Variants in ARHGAP26 observed in about 807,000 individuals in gnomAD.
ARHGAP26 encodes Rho GTPase activating protein 26, also known as rho GTPase-activating protein 26.
ARHGAP26 carries 38 observed loss-of-function variants against 104.8 expected under a neutral mutation model. That is an observed-to-expected ratio of 0.36 (90% CI 0.28 to 0.48). The LOEUF (loss-of-function observed/expected upper bound fraction) is 0.48, where lower values mean the gene tolerates loss of function less well. Ranked by LOEUF, ARHGAP26 falls within the 20% of genes least tolerant of loss-of-function variation. The probability of loss-of-function intolerance (pLI) is 0.99; values close to 1 mark genes in which losing one functional copy is unlikely to be tolerated. For missense variants in ARHGAP26, 704 were observed against 947.9 expected (o/e 0.74, Z 3.38); for synonymous variants, 341 against 340.0 (o/e 1.00, Z -0.03).
chr5:142,865,168 AGCTGGGGCTGG>A (rs1168084748), intron 1 of ARHGAP26, among the ~76,000 whole-genome samples: 2 of 152,162 alleles, frequency 1.3e-5, no homozygotes, highest in African/African-American at 4.8e-5. Flanking sequence ...GCCAGGGCTG[AGCTGGGGCTGG>A]GCTCTTTAGG....
At chr5:142,949,027 C>A (rs992797339) in intron 11 of ARHGAP26, among the ~76,000 whole-genome samples, 2 of 151,764 alleles carry the variant, frequency 1.3e-5, no homozygotes. Context: ...ATCGCTTGAA[C>A]CTGGGGGGCG....
At chr5:142,779,673 G>T (rs1485652205) in intron 1 of ARHGAP26, among the ~76,000 whole-genome samples, 2 of 152,128 alleles carry the variant, frequency 1.3e-5, no homozygotes, top group African/African-American at 2.4e-5. Context: ...TTTACTGCAG[G>T]CTAATTTGAA....
chr5:143,025,222 A>G (rs1009071331), intron 12 of ARHGAP26, among the ~76,000 whole-genome samples: 4 of 152,158 alleles, frequency 2.6e-5, no homozygotes, highest in African/African-American at 9.6e-5. Context: ...TGTGAGGGGA[A>G]TGGGTCAGAG....
intron 17 of ARHGAP26, among the ~76,000 whole-genome samples, chr5:143,098,896 G>A (rs1355505100): frequency 6.6e-6 from 1 of 152,128 alleles, no homozygotes; most frequent in African/African-American, 2.4e-5. Context: ...TTTTAAACAT[G>A]ACTTTGTGAA....
At chr5:143,059,120 G>A (rs997819848) in intron 17 of ARHGAP26, among the ~76,000 whole-genome samples, 2 of 152,236 alleles carry the variant, frequency 1.3e-5, no homozygotes, top group African/African-American at 4.8e-5. Context: ...AGAGAAGCTG[G>A]TTTAGATCTT....
At chr5:142,950,610 A>G (rs1182192354) in intron 11 of ARHGAP26, among the ~76,000 whole-genome samples, 1 of 152,036 alleles carries the variant, frequency 6.6e-6, no homozygotes, top group African/African-American at 2.4e-5. Context: ...CATGTTTCCT[A>G]CAGCGACACC....
chr5:143,095,984 A>G (rs1792250434), intron 17 of ARHGAP26, among the ~76,000 whole-genome samples: 1 of 152,234 alleles, frequency 6.6e-6, no homozygotes, highest in South Asian at 2.1e-4. Flanking sequence ...AATTTTGGAT[A>G]TTCTTTTTTT....
chr5:143,079,602 A>C (rs1789522698), intron 17 of ARHGAP26, among the ~76,000 whole-genome samples: 1 of 152,326 alleles, frequency 6.6e-6, no homozygotes, highest in African/African-American at 2.4e-5. Flanking sequence ...TCTCACTGTC[A>C]GACCGGATTA....
chr5:143,128,227 T>C (rs796127081), intron 18 of ARHGAP26, among the ~76,000 whole-genome samples: 23 of 152,294 alleles, frequency 1.5e-4, no homozygotes, highest in African/African-American at 5.3e-4. Context: ...AAACCAATAA[T>C]TGTTTGAATT....
intron 20 of ARHGAP26, among the ~76,000 whole-genome samples, chr5:143,175,678 G>A (rs1002572542): frequency 2.0e-5 from 3 of 151,994 alleles, no homozygotes; most frequent in African/African-American, 7.2e-5. Context: ...GGGAATTATT[G>A]TTTGTTTAGT....
chr5:143,159,554 A>G (rs1447728207), intron 20 of ARHGAP26, among the ~76,000 whole-genome samples: 1 of 152,220 alleles, frequency 6.6e-6, no homozygotes, highest in Non-Finnish European at 1.5e-5. Context: ...ATGGCACATC[A>G]GCACCACATG....
intron 3 of ARHGAP26, among the ~76,000 whole-genome samples, chr5:142,877,388 A>G (rs901583878): frequency 2.6e-5 from 4 of 152,154 alleles, no homozygotes; most frequent in African/African-American, 9.6e-5. Flanking sequence ...TTGTGTCCTG[A>G]TAAACATTGT....
chr5:143,169,088 C>G (rs1418376998), intron 20 of ARHGAP26: 1 of 152,216 alleles, frequency 6.6e-6, no homozygotes. Context: ...GCAATGTTTG[C>G]ATTTCTCTCA....
At chr5:142,796,816 T>C (rs983103632) in intron 1 of ARHGAP26, among the ~76,000 whole-genome samples, 1 of 152,364 alleles carries the variant, frequency 6.6e-6, no homozygotes, top group Non-Finnish European at 1.5e-5. Flanking sequence ...TTCTGTTCCT[T>C]CTGCCTGGTG....
At chr5:142,973,074 C>T (rs61561102) in intron 11 of ARHGAP26, among the ~76,000 whole-genome samples, 1 of 151,846 alleles carries the variant, frequency 6.6e-6, no homozygotes, top group Non-Finnish European at 1.5e-5. Context: ...ATTGGTAATT[C>T]CCCCTAGTCC....
At chr5:142,971,371 G>A (rs1441378177) in intron 11 of ARHGAP26, among the ~76,000 whole-genome samples, 2 of 152,168 alleles carry the variant, frequency 1.3e-5, no homozygotes, top group Non-Finnish European at 2.9e-5. Context: ...GGTTCCAGGT[G>A]CCTAGAACTT....
intron 11 of ARHGAP26, among the ~76,000 whole-genome samples, chr5:142,992,721 T>C (rs191776800): frequency 1.3e-5 from 2 of 152,262 alleles, no homozygotes; most frequent in African/African-American, 4.8e-5. Flanking sequence ...TCACCACGCC[T>C]GGCCAGTAGT....
chr5:143,023,207 A>G (rs575883263), intron 12 of ARHGAP26, among the ~76,000 whole-genome samples: 6 of 152,334 alleles, frequency 3.9e-5, no homozygotes, highest in African/African-American at 7.2e-5. Flanking sequence ...ATTCAGAGCA[A>G]ACTCCCTGAT....
intron 1 of ARHGAP26, among the ~76,000 whole-genome samples, chr5:142,833,282 A>G (rs1278712158): frequency 1.3e-5 from 2 of 151,320 alleles, no homozygotes; most frequent in African/African-American, 4.9e-5. Flanking sequence ...GCTGGTCTCA[A>G]ACTCCTGGCC....
Sources: allele counts gnomAD v4.1 joint callset (sites outside exome capture counted in the v4.1 genomes callset), GRCh38; gene constraint gnomAD v4.1.1; transcripts MANE v1.5; gene names NCBI Gene and HGNC (gene_info 2026-07-23, HGNC 2026-07-21).